The following SCHIP1 variants were observed in gnomAD, a reference collection of about 807,000 sequenced individuals.
SCHIP1 encodes the protein schwannomin-interacting protein 1.
SCHIP1 carries 8 observed loss-of-function variants against 29.7 expected under a neutral mutation model. That is an observed-to-expected ratio of 0.27 (90% CI 0.16 to 0.49). SCHIP1 has a LOEUF of 0.49. SCHIP1 is among the 20% of genes least tolerant of loss of function. The probability of loss-of-function intolerance (pLI) is 0.99; values close to 1 mark genes in which losing one functional copy is unlikely to be tolerated. For synonymous variants in SCHIP1, 76 were observed against 94.9 expected, an observed-to-expected ratio of 0.80 and a Z score of 1.16; for missense variants, 193 against 294.6, an observed-to-expected ratio of 0.66 and a Z score of 2.52.
chr3:159,666,562 T>C, the SCHIP1 span, among the ~76,000 whole-genome samples: 183 of 152,228 alleles, frequency 1.2e-3, 2 homozygotes, highest in African/African-American at 4.2e-3. Context: ...AATTGAAAGA[T>C]TGAAACAGTG....
the SCHIP1 span, among the ~76,000 whole-genome samples, chr3:159,582,781 T>TACACACAC: frequency 3.1e-3 from 278 of 88,516 alleles, 2 homozygotes; most frequent in African/African-American, 9.8e-3. Flanking sequence ...AACTGAAATA[T>TACACACAC]ATATATACAC....
chr3:159,523,959 G>C, the SCHIP1 span, among the ~76,000 whole-genome samples: 1 of 152,142 alleles, frequency 6.6e-6, no homozygotes, highest in Non-Finnish European at 1.5e-5. Flanking sequence ...GTCAACACAG[G>C]CATTCTAGGC....
the SCHIP1 span, among the ~76,000 whole-genome samples, chr3:159,725,858 C>A: frequency 1.3e-5 from 2 of 151,964 alleles, no homozygotes; most frequent in African/African-American, 4.8e-5. Flanking sequence ...TTTAAATACT[C>A]CTAAGCACAG....
At chr3:159,407,342 A>T in the SCHIP1 span, among the ~76,000 whole-genome samples, 1 of 152,200 alleles carries the variant, frequency 6.6e-6, no homozygotes, top group Non-Finnish European at 1.5e-5. Flanking sequence ...GGATATATCA[A>T]TTTTAAATAT....
the SCHIP1 span, among the ~76,000 whole-genome samples, chr3:159,503,313 A>G: frequency 6.6e-6 from 1 of 152,214 alleles, no homozygotes. Flanking sequence ...CGACAATATT[A>G]AACCTTGCCC....
chr3:159,891,496 A>G (rs1426311406), intron 5 of SCHIP1, among the ~76,000 whole-genome samples: 1 of 152,128 alleles, frequency 6.6e-6, no homozygotes, highest in Non-Finnish European at 1.5e-5. Flanking sequence ...TTTCCTTGGC[A>G]CCCTGTTGTT....
At chr3:159,579,429 A>C in the SCHIP1 span, among the ~76,000 whole-genome samples, 1 of 152,210 alleles carries the variant, frequency 6.6e-6, no homozygotes, top group South Asian at 2.1e-4. Context: ...CTCCTAGTAA[A>C]TTGCTTATAA....
chr3:159,829,281 G>A, the SCHIP1 span, among the ~76,000 whole-genome samples: 1 of 152,118 alleles, frequency 6.6e-6, no homozygotes, highest in Non-Finnish European at 1.5e-5. Flanking sequence ...ATTGCCTAAT[G>A]TATTACATTT....
At chr3:159,534,662 GACCAGAATTCAGAAACAGTCACACCT>G in the SCHIP1 span, among the ~76,000 whole-genome samples, 3 of 152,140 alleles carry the variant, frequency 2.0e-5, no homozygotes, top group East Asian at 5.8e-4. Context: ...ACGTTCCACT[GACCAGAATTCAGAAACAGTCACACCT>G]AACTGTGGTC....
intron 1 of SCHIP1, among the ~76,000 whole-genome samples, chr3:159,857,204 G>T (rs1713488277): frequency 1.3e-5 from 2 of 152,216 alleles, no homozygotes. Flanking sequence ...CGGTTAGCCA[G>T]CATGGTCAGG....
At chr3:159,598,817 A>AAAG in the SCHIP1 span, among the ~76,000 whole-genome samples, 39 of 152,318 alleles carry the variant, frequency 2.6e-4, no homozygotes, top group African/African-American at 8.7e-4. Flanking sequence ...CCATGTAGTG[A>AAAG]AAGATTTACT....
chr3:159,585,303 G>A, the SCHIP1 span, among the ~76,000 whole-genome samples: 1 of 152,114 alleles, frequency 6.6e-6, no homozygotes, highest in Non-Finnish European at 1.5e-5. Context: ...TTAAATCAGT[G>A]AATGAATACT....
At chr3:159,290,418 G>C in the SCHIP1 span, among the ~76,000 whole-genome samples, 1 of 152,078 alleles carries the variant, frequency 6.6e-6, no homozygotes, top group Non-Finnish European at 1.5e-5. Context: ...TGTGGACAGA[G>C]GAAGCATAGC....
At chr3:159,758,390 A>G in the SCHIP1 span, among the ~76,000 whole-genome samples, 1 of 152,102 alleles carries the variant, frequency 6.6e-6, no homozygotes, top group African/African-American at 2.4e-5. Context: ...TGACCTTGTG[A>G]TCCGCCCGCC....
intron 6 of SCHIP1, chr3:159,892,737 A>G (rs928396933): frequency 3.5e-4 from 54 of 155,760 alleles, no homozygotes; most frequent in Non-Finnish European, 9.9e-5. Flanking sequence ...TAAAGAGGTA[A>G]AAAGAATGCT....
At chr3:159,576,929 G>A in the SCHIP1 span, among the ~76,000 whole-genome samples, 1 of 152,100 alleles carries the variant, frequency 6.6e-6, no homozygotes, top group Admixed American at 6.6e-5. Context: ...ATAAACATTG[G>A]AGAAGGTGTT....
chr3:159,553,059 T>C, the SCHIP1 span, among the ~76,000 whole-genome samples: 287 of 152,274 alleles, frequency 1.9e-3, 4 homozygotes, highest in Non-Finnish European at 1.0e-4. Context: ...AGACGGTGCA[T>C]GGCTGACAAT....
chr3:159,577,593 C>T, the SCHIP1 span, among the ~76,000 whole-genome samples: 1,184 of 152,260 alleles, frequency 7.8e-3, 13 homozygotes, highest in African/African-American at 0.027. Flanking sequence ...ACAGATTTCC[C>T]GTGGACTACC....
the SCHIP1 span, among the ~76,000 whole-genome samples, chr3:159,558,172 T>G: frequency 1.3e-5 from 2 of 152,192 alleles, no homozygotes; most frequent in Non-Finnish European, 2.9e-5. Context: ...TTTGAGGAAC[T>G]CTTTCAAGAA....
Sources: allele counts gnomAD v4.1 joint callset (sites outside exome capture counted in the v4.1 genomes callset), GRCh38; gene constraint gnomAD v4.1.1; transcripts MANE v1.5; gene names NCBI Gene and HGNC (gene_info 2026-07-23, HGNC 2026-07-21).